PDSS2: variants seen among roughly 807,000 people sequenced by gnomAD.
PDSS2 encodes the protein all trans-polyprenyl-diphosphate synthase PDSS2.
A neutral mutation model predicts 44.5 loss-of-function variants in PDSS2; 31 were observed. The ratio of observed to expected loss-of-function variants is 0.70; its 90% CI spans 0.52 to 0.94. The LOEUF is 0.94. Among genes scored for constraint, PDSS2 ranks in the 40% least tolerant of loss-of-function variants. The probability of loss-of-function intolerance (pLI) is 0.00; values close to 1 mark genes in which losing one functional copy is unlikely to be tolerated. For missense variants in PDSS2, 452 were observed against 482.2 expected, an observed-to-expected ratio of 0.94 and a Z score of 0.59; for synonymous variants, 157 against 180.3, an observed-to-expected ratio of 0.87 and a Z score of 1.03.
chr6:107,213,429 C>A (rs1485497869), intron 4 of PDSS2, among the ~76,000 whole-genome samples: 2 of 151,652 alleles, frequency 1.3e-5, no homozygotes, highest in Non-Finnish European at 2.9e-5. Flanking sequence ...GAATTACAGG[C>A]ATGAGTCACT....
chr6:107,436,802 T>C (rs1405369461), intron 1 of PDSS2, among the ~76,000 whole-genome samples: 1 of 152,148 alleles, frequency 6.6e-6, no homozygotes, highest in African/African-American at 2.4e-5. Context: ...TCATCATACA[T>C]TATATGTATC....
chr6:107,334,390 C>G, intron 1 of PDSS2, 58 bp from the exon 2 acceptor site: 1 of 1,490,878 alleles, frequency 6.7e-7, no homozygotes, highest in South Asian at 1.1e-5. Flanking sequence ...CATCAGATAA[C>G]TTAGAAAACT....
intron 4 of PDSS2, among the ~76,000 whole-genome samples, chr6:107,217,516 C>G (rs892601709): frequency 1.3e-5 from 2 of 151,948 alleles, no homozygotes; most frequent in African/African-American, 4.8e-5. Flanking sequence ...GAATACAAGT[C>G]TGTCAACATC....
At chr6:107,435,008 G>T (rs1166577271) in intron 1 of PDSS2, among the ~76,000 whole-genome samples, 1 of 151,936 alleles carries the variant, frequency 6.6e-6, no homozygotes, top group Non-Finnish European at 1.5e-5. Context: ...TGGGCACAGT[G>T]AGTCATGTCT....
intron 3 of PDSS2, among the ~76,000 whole-genome samples, chr6:107,255,591 C>G (rs1441232953): frequency 1.4e-5 from 2 of 148,052 alleles, no homozygotes; most frequent in Non-Finnish European, 3.0e-5. Context: ...AAGAGTGAAA[C>G]TCCATCTCAA....
intron 1 of PDSS2, among the ~76,000 whole-genome samples, chr6:107,402,546 TATATATAA>T (rs1328538064): frequency 3.8e-4 from 9 of 23,852 alleles, no homozygotes; most frequent in Admixed American, 2.2e-3. Flanking sequence ...TATATATATA[TATATATAA>T]AAATATATAT....
intron 2 of PDSS2, among the ~76,000 whole-genome samples, chr6:107,318,739 C>T (rs530303761): frequency 2.2e-4 from 33 of 152,226 alleles, no homozygotes; most frequent in African/African-American, 7.9e-4. Context: ...TAATTCTCAG[C>T]ACTTTGGGAG....
intron 1 of PDSS2, among the ~76,000 whole-genome samples, chr6:107,403,858 G>T (rs2114610520): frequency 6.6e-6 from 1 of 152,300 alleles, no homozygotes; most frequent in Non-Finnish European, 1.5e-5. Flanking sequence ...TGATGGGAGG[G>T]GCTCTCCAGA....
intron 1 of PDSS2, among the ~76,000 whole-genome samples, chr6:107,405,547 T>A (rs1248378705): frequency 6.6e-6 from 1 of 151,808 alleles, no homozygotes; most frequent in Non-Finnish European, 1.5e-5. Context: ...CATTAAATGC[T>A]CCACTTAAAA....
intron 2 of PDSS2, among the ~76,000 whole-genome samples, chr6:107,324,910 GGAT>G (rs1260710303): frequency 6.6e-6 from 1 of 152,040 alleles, no homozygotes; most frequent in Non-Finnish European, 1.5e-5. Context: ...ATGAAGGTGA[GGAT>G]GGATAGATAG....
intron 1 of PDSS2, among the ~76,000 whole-genome samples, chr6:107,405,908 A>G (rs935354957): frequency 6.6e-6 from 1 of 152,130 alleles, no homozygotes; most frequent in Non-Finnish European, 1.5e-5. Flanking sequence ...TGAACCAACT[A>G]TATGCTGCTG....
intron 1 of PDSS2, among the ~76,000 whole-genome samples, chr6:107,436,967 G>A (rs1393245555): frequency 6.6e-6 from 1 of 151,902 alleles, no homozygotes; most frequent in East Asian, 1.9e-4. Flanking sequence ...TTCCCAATAT[G>A]AAATGGGTGC....
intron 4 of PDSS2, among the ~76,000 whole-genome samples, chr6:107,239,594 T>C (rs1774345665): frequency 6.6e-6 from 1 of 151,788 alleles, no homozygotes; most frequent in Non-Finnish European, 1.5e-5. Flanking sequence ...TCTTGACCTT[T>C]TTCTGTTTTC....
intron 1 of PDSS2, among the ~76,000 whole-genome samples, chr6:107,377,576 C>T: frequency 6.6e-6 from 1 of 152,102 alleles, no homozygotes. Flanking sequence ...GCTATAAAGA[C>T]ACACGCACAC....
intron 1 of PDSS2, among the ~76,000 whole-genome samples, chr6:107,366,397 G>C (rs1164774635): frequency 1.3e-5 from 2 of 151,996 alleles, no homozygotes; most frequent in Non-Finnish European, 2.9e-5. Context: ...TAGAGGAAAA[G>C]TTATAGCATA....
At chr6:107,403,715 TG>T (rs1780216754) in intron 1 of PDSS2, among the ~76,000 whole-genome samples, 1 of 152,228 alleles carries the variant, frequency 6.6e-6, no homozygotes, top group Non-Finnish European at 1.5e-5. Flanking sequence ...AGCTGTATCT[TG>T]GCCCCTTTTA....
chr6:107,350,402 C>G (rs1432871749), intron 1 of PDSS2, among the ~76,000 whole-genome samples: 2 of 150,848 alleles, frequency 1.3e-5, no homozygotes, highest in Non-Finnish European at 3.0e-5. Flanking sequence ...CAAAACAAAT[C>G]AAAAAATAAA....
intron 1 of PDSS2, among the ~76,000 whole-genome samples, chr6:107,348,284 C>T (rs1216925654): frequency 2.0e-5 from 3 of 152,160 alleles, no homozygotes; most frequent in Admixed American, 2.0e-4. Context: ...ATAGGTGAGG[C>T]TTAGAGACAG....
intron 1 of PDSS2, among the ~76,000 whole-genome samples, chr6:107,391,046 G>C (rs1779763524): frequency 6.6e-6 from 1 of 151,804 alleles, no homozygotes; most frequent in African/African-American, 2.4e-5. Flanking sequence ...GATGGGGGGA[G>C]GGTGGGGAGA....
Sources: gnomAD v4.1 joint callset for allele counts (sites outside exome capture counted in the v4.1 genomes callset) on GRCh38, gnomAD v4.1.1 for gene constraint, MANE v1.5 for transcripts, NCBI Gene and HGNC (gene_info 2026-07-23, HGNC 2026-07-21) for gene names.